The following EPHX2 variants were observed in gnomAD, a reference collection of about 807,000 sequenced individuals.
The protein encoded by EPHX2 is bifunctional epoxide hydrolase 2.
Under a neutral mutation model 78.7 loss-of-function variants are expected in EPHX2, and 74 were observed. That is an observed-to-expected ratio of 0.94 (90% CI 0.78 to 1.14). EPHX2 has a LOEUF of 1.14. Ranked by LOEUF, EPHX2 falls within the 50% of genes most tolerant of loss-of-function variation. EPHX2 has a pLI of 0.00. For missense variants in EPHX2, 715 were observed against 702.5 expected (o/e 1.02, Z -0.20); for synonymous variants, 251 against 255.2 (o/e 0.98, Z 0.16).
downstream of EPHX2, among the ~76,000 whole-genome samples, chr8:27,546,562 T>C (rs1280608901): frequency 6.6e-6 from 1 of 152,180 alleles, no homozygotes; most frequent in Non-Finnish European, 1.5e-5. Flanking sequence ...TTCAAGCTCA[T>C]TTGTAAGGGA....
intron 1 of EPHX2, among the ~76,000 whole-genome samples, chr8:27,500,330 C>A (rs1290323934): frequency 1.3e-5 from 2 of 152,104 alleles, no homozygotes; most frequent in Non-Finnish European, 2.9e-5. Context: ...TTGTGAGTTC[C>A]CTGAGGCCTC....
At position 27,536,516 on chromosome 8, in the gene EPHX2, T is replaced by G. The variant is rs4149250; in HGVS notation, c.1171-268T>G. The stretch of plus-strand genomic sequence containing the variant: ...TCAAGAGATTATTATAAGTAGTACC[T>G]TCTCATTATAGGAATATTGAAAAAC... On this transcript the variant is annotated intron_variant, in intron 12 of 18. Coordinates refer to ENST00000521400, the MANE Select transcript of EPHX2 (RefSeq NM_001979.6). Among the ~76,000 whole-genome samples, 7 of 152,298 alleles carry G rather than the reference T, an allele frequency of 4.6e-5. 1 individual carries two copies. The East Asian group carries it at 1.3e-3, about 29-fold the overall frequency.
Position 27,544,643 on chromosome 8 carries a change from GGTTTGC to G in EPHX2, c.*122_*127del. 1.0e-6 allele frequency: 1 copy of G among 992,804 alleles called. No individual in the cohort carries two copies. The highest frequency in any genetic ancestry group is 2.4e-5 in the Admixed American group (1 of 42,274). The allele number at this position is 992,804 out of a possible 1,614,324, so 61.5% of individuals were successfully genotyped here. On this transcript the variant is annotated 3_prime_UTR_variant, in exon 19 of 19. Transcript: ENST00000521400. ...ATGGATGGCAGCATTGTTCTGAAGG[GGTTTGC>G]AGAAAAAAAAGATTTTCTTTACATA...
chr8:27,504,402 A>G (rs986296482), intron 3 of EPHX2, among the ~76,000 whole-genome samples: 14 of 152,308 alleles, frequency 9.2e-5, no homozygotes, highest in Middle Eastern at 3.4e-3. Flanking sequence ...CTCGCTGGTT[A>G]GGCAGATAAA....
At chr8:27,511,212 A>G (rs1814228585) in intron 5 of EPHX2, among the ~76,000 whole-genome samples, 1 of 152,254 alleles carries the variant, frequency 6.6e-6, no homozygotes, top group African/African-American at 2.4e-5. Flanking sequence ...AAAGGCCCAG[A>G]GAGTTTGATT....
chr8:27,500,201 A>T (rs1813713296), intron 1 of EPHX2, among the ~76,000 whole-genome samples: 1 of 152,024 alleles, frequency 6.6e-6, no homozygotes, highest in South Asian at 2.1e-4. Context: ...CGTGATGTTG[A>T]GTGAGTTCTC....
At chr8:27,507,082 T>A in intron 5 of EPHX2, 88 bp downstream of exon 5, 1 of 1,516,344 alleles carries the variant, frequency 6.6e-7, no homozygotes, top group Non-Finnish European at 8.9e-7. Context: ...GAAGCTGCTG[T>A]CCGTGGAGTC....
chr8:27,508,940 AT>A (rs1814125908), intron 5 of EPHX2, among the ~76,000 whole-genome samples: 1 of 95,088 alleles, frequency 1.1e-5, no homozygotes, highest in Non-Finnish European at 2.1e-5. Context: ...GGCAACCCCC[AT>A]CCTGCTTTTT....
intron 12 of EPHX2, among the ~76,000 whole-genome samples, chr8:27,526,363 T>A (rs924207079): frequency 2.0e-5 from 3 of 152,236 alleles, no homozygotes; most frequent in African/African-American, 7.2e-5. Flanking sequence ...CAGCGGCATT[T>A]TGAAGAGACC....
chr8:27,524,019 A>G (rs887143074), intron 11 of EPHX2, among the ~76,000 whole-genome samples: 2 of 149,762 alleles, frequency 1.3e-5, no homozygotes, highest in African/African-American at 4.9e-5. Flanking sequence ...TGCAACCTCT[A>G]CCTTCTGGGT....
chr8:27,520,678 G>A lies in EPHX2; in HGVS notation c.946-205G>A, dbSNP rs916500308. Among the ~76,000 whole-genome samples the A allele has an allele frequency of 1.1e-4, 17 of 152,062 alleles. 1 individual carries two copies. Among genetic ancestry groups the A allele is most frequent in the African/African-American group, 3.4e-4 (14 of 41,392 alleles). On this transcript the variant is annotated intron_variant, in intron 9 of 18. Transcript: ENST00000521400. ...TCCTCTGATCAGGACTCCCAGACCC[G>A]TTGGATTAGGGCTCACCCATATGGC...
chr8:27,495,372 C>T (rs992158575), intron 1 of EPHX2, among the ~76,000 whole-genome samples: 33 of 152,226 alleles, frequency 2.2e-4, no homozygotes, highest in African/African-American at 6.5e-4. Flanking sequence ...ACCTGCCCTT[C>T]ATATCCCATT....
At chr8:27,494,082 G>A (rs1225987116) in intron 1 of EPHX2, among the ~76,000 whole-genome samples, 2 of 152,148 alleles carry the variant, frequency 1.3e-5, no homozygotes, top group Non-Finnish European at 2.9e-5. Context: ...ACAGGGAGGA[G>A]GTGATGATTT....
At chr8:27,547,111 C>G (rs952956089), downstream of EPHX2, among the ~76,000 whole-genome samples, 2 of 152,200 alleles carry the variant, frequency 1.3e-5, no homozygotes, top group Middle Eastern at 3.2e-3. Flanking sequence ...CACTGCCCAC[C>G]AGGCCCCACT....
In EPHX2 at chr8:27,491,310, G is replaced by GT; in HGVS notation, c.101+2dup. ...CGGAGGAGGCCCTGGCGCTGCCCAG[G>GT]TAAGGGGGCCCAGCGCCGCCGCCGC... On this transcript the variant is annotated splice_donor_variant, in intron 1 of 18. Transcript: ENST00000521400. LOFTEE classifies it high-confidence loss of function. 1 of 1,514,530 alleles carries GT rather than the reference G, an allele frequency of 6.6e-7. No individual in the cohort carries two copies. The highest frequency in any genetic ancestry group is 8.7e-7 in the Non-Finnish European group (1 of 1,143,232). The allele number at this position is 1,514,530 out of a possible 1,614,324, so 93.8% of individuals were successfully genotyped here.
At position 27,491,327 on chromosome 8, in the gene EPHX2, C is replaced by T. The variant is rs1234118116; in HGVS notation, c.101+18C>T. The T allele has an allele frequency of 1.4e-6, 2 of 1,462,554 alleles. No individual in the cohort carries two copies. Among genetic ancestry groups the T allele is most frequent in the Non-Finnish European group, 1.8e-6 (2 of 1,117,712 alleles). 90.6% of individuals were successfully genotyped at this position (1,462,554 alleles called of 1,614,324 possible). On this transcript the variant is annotated intron_variant, in intron 1 of 18. Coordinates refer to ENST00000521400, the MANE Select transcript of EPHX2 (RefSeq NM_001979.6). ...CTGCCCAGGTAAGGGGGCCCAGCGC[C>T]GCCGCCGCAGTGGGTCGGGGCCTCA... is the stretch of plus-strand genomic sequence containing the variant.
At chr8:27,535,764 G>C (rs1362877196) in intron 12 of EPHX2, among the ~76,000 whole-genome samples, 2 of 152,152 alleles carry the variant, frequency 1.3e-5, no homozygotes, top group East Asian at 3.8e-4. Flanking sequence ...GTAGGAAGGA[G>C]AGGGGAAGCA....
intron 6 of EPHX2, among the ~76,000 whole-genome samples, chr8:27,514,094 G>A (rs540830332): frequency 6.6e-6 from 1 of 152,194 alleles, no homozygotes; most frequent in Non-Finnish European, 1.5e-5. Flanking sequence ...AAGGCAGGAG[G>A]ATCACTTAAT....
chr8:27,538,724 G>A, intron 14 of EPHX2, 32 bp downstream of exon 14: 1 of 1,607,718 alleles, frequency 6.2e-7, no homozygotes. Context: ...GCCATATCTG[G>A]AACCAGCTGA....
Sources: allele counts gnomAD v4.1 joint callset (sites outside exome capture counted in the v4.1 genomes callset), GRCh38; gene constraint gnomAD v4.1.1; transcripts MANE v1.5; gene names NCBI Gene and HGNC (gene_info 2026-07-23, HGNC 2026-07-21).